The following RANBP2 variants were observed in gnomAD, a reference collection of about 807,000 sequenced individuals.
The protein encoded by RANBP2 is E3 SUMO-protein ligase RanBP2.
A neutral mutation model predicts 303.6 loss-of-function variants in RANBP2; 57 were observed. That is an observed-to-expected ratio of 0.19 (90% CI 0.15 to 0.23). The LOEUF (loss-of-function observed/expected upper bound fraction) is 0.23, where lower values mean the gene tolerates loss of function less well. RANBP2 is among the 10% of genes least tolerant of loss of function. RANBP2 has a pLI of 1.00. For synonymous variants in RANBP2, 1,167 were observed against 1,301.5 expected, an observed-to-expected ratio of 0.90 and a Z score of 2.23; for missense variants, 3,138 against 3,780.8, an observed-to-expected ratio of 0.83 and a Z score of 4.46.
the RANBP2 span, among the ~76,000 whole-genome samples, chr2:109,131,579 C>T: frequency 6.6e-6 from 1 of 152,104 alleles, no homozygotes. Flanking sequence ...CTCAGTTTAT[C>T]TTGGGGGACT....
At chr2:109,249,509 CAT>C in the RANBP2 span, among the ~76,000 whole-genome samples, 1 of 66,358 alleles carries the variant, frequency 1.5e-5, no homozygotes, top group Non-Finnish European at 3.1e-5. Flanking sequence ...TTCTTTCTTT[CAT>C]TCTTTCTTTT....
At chr2:109,112,456 G>T in the RANBP2 span, among the ~76,000 whole-genome samples, 2 of 152,140 alleles carry the variant, frequency 1.3e-5, no homozygotes, top group African/African-American at 2.4e-5. Flanking sequence ...TGTTCACATC[G>T]TTTGCCCACT....
the RANBP2 span, chr2:109,565,848 C>T: frequency 6.5e-5 from 105 of 1,613,894 alleles, no homozygotes; most frequent in Non-Finnish European, 7.4e-5. Context: ...CAACAGCAAA[C>T]GGCAACTGTC....
chr2:109,139,323 T>TA, the RANBP2 span, among the ~76,000 whole-genome samples: 2 of 152,132 alleles, frequency 1.3e-5, no homozygotes, highest in Non-Finnish European at 2.9e-5. Context: ...TTTTTTTTTT[T>TA]ACTGAGTTCA....
chr2:108,788,772 T>G, downstream of RANBP2: 2 of 1,547,574 alleles, frequency 1.3e-6, no homozygotes, highest in South Asian at 1.2e-5. Flanking sequence ...AAAATAGTAT[T>G]ATTTAGACTT....
At chr2:109,615,898 C>T in the RANBP2 span, 2 of 1,611,838 alleles carry the variant, frequency 1.2e-6, no homozygotes, top group Non-Finnish European at 8.5e-7. Context: ...CGTATAAAAC[C>T]CAGACTCAAC....
At chr2:108,927,434 C>A in the RANBP2 span, among the ~76,000 whole-genome samples, 1 of 152,310 alleles carries the variant, frequency 6.6e-6, no homozygotes, top group Non-Finnish European at 1.5e-5. Context: ...CTTCCAGTGT[C>A]CAACTTCTTT....
At chr2:109,190,649 T>C in the RANBP2 span, among the ~76,000 whole-genome samples, 1 of 152,266 alleles carries the variant, frequency 6.6e-6, no homozygotes, top group Non-Finnish European at 1.5e-5. Flanking sequence ...ATCTTTCTTA[T>C]TGTTTCATTT....
the RANBP2 span, among the ~76,000 whole-genome samples, chr2:109,043,151 G>A: frequency 6.6e-6 from 1 of 152,124 alleles, no homozygotes; most frequent in African/African-American, 2.4e-5. Flanking sequence ...GCCCTGAAAC[G>A]GGTTATGTAA....
the RANBP2 span, among the ~76,000 whole-genome samples, chr2:108,965,890 C>T: frequency 2.0e-5 from 3 of 152,224 alleles, no homozygotes; most frequent in East Asian, 5.8e-4. Context: ...CCTCTCCCCC[C>T]AGGCAAAGAA....
Position 108,783,581 on chromosome 2 carries a change from A to C in RANBP2, c.9370-15A>C, listed in dbSNP as rs778001250. 2 of 1,589,560 alleles carry C rather than the reference A, an allele frequency of 1.3e-6. No individual in the cohort carries two copies. Among genetic ancestry groups the C allele is most frequent in the Non-Finnish European group, 1.7e-6 (2 of 1,164,958 alleles). On this transcript the variant is annotated splice_polypyrimidine_tract_variant and intron_variant, in intron 28 of 28. Transcript: ENST00000283195. ...AAAAAATTTTTAACTTTTTTATTAT[A>C]AATCTTTTTTTCAGGGAGGAGATAT...
the RANBP2 span, among the ~76,000 whole-genome samples, chr2:109,007,193 T>C: frequency 1.3e-5 from 2 of 152,358 alleles, no homozygotes; most frequent in African/African-American, 4.8e-5. Flanking sequence ...GTTCAAAAGA[T>C]TGGCAAATAT....
At chr2:109,286,369 T>C in the RANBP2 span, among the ~76,000 whole-genome samples, 1 of 152,154 alleles carries the variant, frequency 6.6e-6, no homozygotes. Flanking sequence ...CAGGGGGCCC[T>C]TGGTTGCAAT....
the RANBP2 span, among the ~76,000 whole-genome samples, chr2:108,833,686 A>G: frequency 2.0e-5 from 3 of 151,470 alleles, no homozygotes; most frequent in South Asian, 4.1e-4. Context: ...ATTTTCACAA[A>G]TTTTTTTGTT....
chr2:109,575,417 C>T, the RANBP2 span, among the ~76,000 whole-genome samples: 43 of 152,176 alleles, frequency 2.8e-4, no homozygotes, highest in Admixed American at 6.5e-4. Flanking sequence ...AATGGTGGCA[C>T]GTTTTTATTT....
chr2:109,091,472 A>G, the RANBP2 span, among the ~76,000 whole-genome samples: 1 of 152,146 alleles, frequency 6.6e-6, no homozygotes, highest in Non-Finnish European at 1.5e-5. Context: ...TGATCTGAGT[A>G]ATAATAAAAC....
chr2:109,453,178 TG>T, the RANBP2 span, among the ~76,000 whole-genome samples: 2 of 152,154 alleles, frequency 1.3e-5, no homozygotes, highest in Non-Finnish European at 2.9e-5. Context: ...AGCTCCTCTC[TG>T]GGCCCAGGCA....
At chr2:109,586,688 C>T in the RANBP2 span, among the ~76,000 whole-genome samples, 1 of 152,138 alleles carries the variant, frequency 6.6e-6, no homozygotes, top group Non-Finnish European at 1.5e-5. Context: ...TTTTCAAGTG[C>T]CATCTTGGAG....
the RANBP2 span, among the ~76,000 whole-genome samples, chr2:109,623,211 A>C: frequency 6.6e-6 from 1 of 152,168 alleles, no homozygotes. Flanking sequence ...ATCGGAATCT[A>C]TTACAAAGGG....
Sources: gnomAD v4.1 joint callset for allele counts (sites outside exome capture counted in the v4.1 genomes callset) on GRCh38, gnomAD v4.1.1 for gene constraint, MANE v1.5 for transcripts, NCBI Gene and HGNC (gene_info 2026-07-23, HGNC 2026-07-21) for gene names.